Variants in TASP1 observed in about 807,000 individuals in gnomAD.
TASP1 encodes taspase 1.
A neutral mutation model predicts 56.6 loss-of-function variants in TASP1; 16 were observed. The ratio of observed to expected loss-of-function variants is 0.28; its 90% CI spans 0.19 to 0.43. The LOEUF is 0.43. TASP1 is among the 20% of genes least tolerant of loss of function. The pLI is 1.00. For synonymous variants in TASP1, 179 were observed against 184.2 expected (o/e 0.97, Z 0.23); for missense variants, 393 against 511.6 (o/e 0.77, Z 2.24).
At chr20:13,636,623 T>G (rs1438024438) in intron 1 of TASP1, among the ~76,000 whole-genome samples, 2 of 152,182 alleles carry the variant, frequency 1.3e-5, no homozygotes, top group African/African-American at 4.8e-5. Flanking sequence ...TTATACCATG[T>G]TTAACACAGG....
chr20:13,467,186 TACACACACACACAC>T (rs3042647), intron 11 of TASP1, among the ~76,000 whole-genome samples: 1 of 146,784 alleles, frequency 6.8e-6, no homozygotes, highest in Non-Finnish European at 1.5e-5. Flanking sequence ...ACACATACAA[TACACACACACACAC>T]ACACACACAC....
chr20:13,460,041 T>G (rs748309025), intron 11 of TASP1, among the ~76,000 whole-genome samples: 3 of 152,124 alleles, frequency 2.0e-5, no homozygotes, highest in Non-Finnish European at 4.4e-5. Context: ...AAAAATTCCT[T>G]CAAAGATGTG....
chr20:13,422,319 T>G (rs1156933461), intron 12 of TASP1, among the ~76,000 whole-genome samples: 4 of 152,220 alleles, frequency 2.6e-5, no homozygotes, highest in Admixed American at 2.0e-4. Flanking sequence ...CTGGGTAACA[T>G]GCCCATAAAT....
At chr20:13,305,213 A>C in the TASP1 span, among the ~76,000 whole-genome samples, 6 of 152,156 alleles carry the variant, frequency 3.9e-5, no homozygotes, top group African/African-American at 7.2e-5. Flanking sequence ...AAAAAAAAAA[A>C]AAAAAACCCT....
chr20:13,324,290 G>C, the TASP1 span, among the ~76,000 whole-genome samples: 3 of 152,184 alleles, frequency 2.0e-5, no homozygotes, highest in Non-Finnish European at 2.9e-5. Context: ...GAATCAATTA[G>C]CTTAAAAATT....
At chr20:13,327,158 T>C in the TASP1 span, among the ~76,000 whole-genome samples, 1 of 152,110 alleles carries the variant, frequency 6.6e-6, no homozygotes, top group Non-Finnish European at 1.5e-5. Context: ...AGCATTCCTA[T>C]AACAAACAAC....
At chr20:13,525,771 G>T (rs1259255434) in intron 10 of TASP1, among the ~76,000 whole-genome samples, 1 of 152,132 alleles carries the variant, frequency 6.6e-6, no homozygotes, top group Non-Finnish European at 1.5e-5. Flanking sequence ...ACAGCCCCAT[G>T]AGAAACAAGA....
chr20:13,580,657 G>C (rs1355666077), intron 6 of TASP1, among the ~76,000 whole-genome samples: 2 of 151,922 alleles, frequency 1.3e-5, no homozygotes, highest in African/African-American at 4.8e-5. Flanking sequence ...CAATGTGTAA[G>C]TTTTTTTTAA....
At chr20:13,221,267 CCTT>C in the TASP1 span, among the ~76,000 whole-genome samples, 3 of 143,734 alleles carry the variant, frequency 2.1e-5, no homozygotes, top group African/African-American at 7.6e-5. Context: ...TCCTCCTTCT[CCTT>C]CTCCTCCTCC....
the TASP1 span, among the ~76,000 whole-genome samples, chr20:13,322,082 CAA>C: frequency 6.6e-6 from 1 of 152,148 alleles, no homozygotes; most frequent in African/African-American, 2.4e-5. Context: ...TTCAATAAAA[CAA>C]AATATTAAAA....
chr20:13,195,301 C>T, the TASP1 span, among the ~76,000 whole-genome samples: 1 of 152,334 alleles, frequency 6.6e-6, no homozygotes, highest in South Asian at 2.1e-4. Flanking sequence ...ATTTACTTGG[C>T]CTTCCCATTC....
chr20:13,423,196 G>T (rs2042506051), intron 12 of TASP1, among the ~76,000 whole-genome samples: 1 of 152,104 alleles, frequency 6.6e-6, no homozygotes, highest in African/African-American at 2.4e-5. Flanking sequence ...AAATGAGGAA[G>T]CTCTACATGG....
At chr20:13,497,130 G>A (rs1448139248) in intron 10 of TASP1, among the ~76,000 whole-genome samples, 1 of 152,096 alleles carries the variant, frequency 6.6e-6, no homozygotes, top group African/African-American at 2.4e-5. Context: ...AAAAATGTAG[G>A]GTAGAGCAGG....
chr20:13,308,264 G>C, the TASP1 span, among the ~76,000 whole-genome samples: 1 of 152,162 alleles, frequency 6.6e-6, no homozygotes, highest in East Asian at 1.9e-4. Flanking sequence ...TGAATCTGAT[G>C]TAACTCAGAT....
At chr20:13,318,979 A>G in the TASP1 span, among the ~76,000 whole-genome samples, 2 of 152,200 alleles carry the variant, frequency 1.3e-5, no homozygotes, top group East Asian at 3.9e-4. Flanking sequence ...GTCCAAACTC[A>G]TATAACTGTA....
chr20:13,324,946 T>C, the TASP1 span, among the ~76,000 whole-genome samples: 1 of 152,230 alleles, frequency 6.6e-6, no homozygotes, highest in South Asian at 2.1e-4. Context: ...GATGACCACA[T>C]TTTAACACCA....
chr20:13,617,167 A>G (rs780101679), intron 4 of TASP1: 80 of 421,260 alleles, frequency 1.9e-4, no homozygotes, highest in Middle Eastern at 4.0e-4. Context: ...TAAAGACTCC[A>G]TAAACAGCTG....
chr20:13,625,271 T>C lies in TASP1; in HGVS notation c.146-19A>G, dbSNP rs1323918075. 9.5e-6 allele frequency: 15 copies of C among 1,585,086 alleles called. No individual in the cohort carries two copies. Among genetic ancestry groups the C allele is most frequent in the Non-Finnish European group, 1.3e-5 (15 of 1,161,710 alleles). On this transcript the variant is annotated intron_variant, in intron 2 of 13. Coordinates refer to ENST00000337743, the MANE Select transcript of TASP1 (RefSeq NM_017714.3). ...CCTGCACCTAAAGTAGAAAATAAAA[T>C]CCAGTTAATTATTAAAATATCAAGA...
chr20:13,187,432 G>A, the TASP1 span, among the ~76,000 whole-genome samples: 1 of 151,564 alleles, frequency 6.6e-6, no homozygotes, highest in Non-Finnish European at 1.5e-5. Context: ...AAAACCTGAG[G>A]CCAATCACAT....
Sources: allele counts gnomAD v4.1 joint callset (sites outside exome capture counted in the v4.1 genomes callset), GRCh38; gene constraint gnomAD v4.1.1; transcripts MANE v1.5; gene names NCBI Gene and HGNC (gene_info 2026-07-23, HGNC 2026-07-21).